Variants in SPAG9 observed in about 807,000 individuals in gnomAD.
SPAG9 encodes sperm associated antigen 9, also known as C-Jun-amino-terminal kinase-interacting protein 4.
Under a neutral mutation model 166.5 loss-of-function variants are expected in SPAG9, and 35 were observed. That is an observed-to-expected ratio of 0.21 (90% CI 0.16 to 0.28). SPAG9 has a LOEUF of 0.28. Ranked by LOEUF, SPAG9 falls within the 10% of genes least tolerant of loss-of-function variation. SPAG9 has a pLI of 1.00. For synonymous variants in SPAG9, 534 were observed against 565.5 expected, an observed-to-expected ratio of 0.94 and a Z score of 0.79; for missense variants, 1,235 against 1,603.3, an observed-to-expected ratio of 0.77 and a Z score of 3.92.
At position 51,013,919 on chromosome 17, in the gene SPAG9, T is replaced by C. The variant is rs202173626; in HGVS notation, c.1213+313A>G. ...ATACACATACACACACACACACACATACACACACACACATCACCATGTTCT... is the reference window on the plus strand; with the variant it reads ...ATACACATACACACACACACACACACACACACACACACATCACCATGTTCT... On this transcript the variant is annotated intron_variant, in intron 9 of 29. Transcript: ENST00000262013. Among the ~76,000 whole-genome samples, 331 of 135,740 alleles carry C rather than the reference T, an allele frequency of 2.4e-3. 1 individual carries two copies. The highest frequency in any genetic ancestry group is 0.01 in the African/African-American group (316 of 31,166). 89.1% of individuals were successfully genotyped at this position (135,740 alleles called of 152,430 possible).
At chr17:51,104,005 G>A (rs986626209) in intron 1 of SPAG9, among the ~76,000 whole-genome samples, 2 of 152,156 alleles carry the variant, frequency 1.3e-5, no homozygotes, top group Non-Finnish European at 2.9e-5. Flanking sequence ...AGAAAGTAAT[G>A]AGATTCCAGC....
chr17:50,997,933 CCTT>C (rs2044748315), intron 15 of SPAG9, among the ~76,000 whole-genome samples: 1 of 151,082 alleles, frequency 6.6e-6, no homozygotes, highest in Non-Finnish European at 1.5e-5. Context: ...AAAAAAAAAT[CCTT>C]CTCTTTTATA....
chr17:51,064,173 T>A (rs2047597752), intron 2 of SPAG9, among the ~76,000 whole-genome samples: 1 of 152,222 alleles, frequency 6.6e-6, no homozygotes. Context: ...ATCATTCTGC[T>A]TAGTTATATT....
At chr17:50,974,555 A>G (rs542476981) in intron 28 of SPAG9, among the ~76,000 whole-genome samples, 2 of 152,304 alleles carry the variant, frequency 1.3e-5, no homozygotes, top group South Asian at 4.1e-4. Context: ...AAAAATCAAC[A>G]AATTTATCTT....
At position 51,118,078 on chromosome 17, in the gene SPAG9, T is replaced by A. The variant is rs1470017596; in HGVS notation, c.303+2276A>T. The stretch of plus-strand genomic sequence containing the variant: ...AGAATTGCTTGAACCCGGGAGGCAG[T>A]GAGCCGAGATCGTGCCACTGCACTC... On this transcript the variant is annotated intron_variant, in intron 1 of 29. Coordinates refer to ENST00000262013, the MANE Select transcript of SPAG9 (RefSeq NM_001130528.3). 4.0e-5 allele frequency among the ~76,000 whole-genome samples: 6 copies of A among 149,444 alleles called. No individual in the cohort carries two copies. The East Asian group carries it at 1.2e-3, about 29-fold the overall frequency.
intron 1 of SPAG9, among the ~76,000 whole-genome samples, chr17:51,115,455 CA>C (rs1266020110): frequency 6.7e-6 from 1 of 148,830 alleles, no homozygotes; most frequent in African/African-American, 2.5e-5. Context: ...CACAAAAAAG[CA>C]GACACAAAAT....
In SPAG9 at chr17:51,044,187, C is replaced by T. The variant is rs114679869; in HGVS notation, c.591-2536G>A. 7.6e-3 allele frequency among the ~76,000 whole-genome samples: 1,158 copies of T among 152,176 alleles called. 20 individuals carry two copies. Among genetic ancestry groups the T allele is most frequent in the African/African-American group, 0.027 (1,112 of 41,514 alleles). ...ACAGTTGGGGTAAGGGAGAGAAGGA[C>T]GCATAATTAGGCAAGTTCATGAGAA... On this transcript the variant is annotated intron_variant, in intron 4 of 29. Coordinates refer to ENST00000262013, the MANE Select transcript of SPAG9 (RefSeq NM_001130528.3).
intron 1 of SPAG9, among the ~76,000 whole-genome samples, chr17:51,107,305 T>C (rs770209162): frequency 2.0e-5 from 3 of 152,022 alleles, no homozygotes; most frequent in South Asian, 2.1e-4. Context: ...TCCCAGCACC[T>C]TGGGAGGCCA....
chr17:50,979,868 G>A lies in SPAG9; in HGVS notation c.3287C>T (p.Ala1096Val), dbSNP rs771259090. The A allele has an allele frequency of 1.9e-6, 3 of 1,614,056 alleles. No homozygotes were observed. Among genetic ancestry groups the A allele is most frequent in the South Asian group, 2.2e-5 (2 of 91,076 alleles). The change falls in exon 26 of 30, where the codon GCG becomes GTG. Residue 1096 changes from alanine to valine, a missense_variant. By Grantham distance (64) the Ala-to-Val change is moderately conservative. This residue lies in a region of SPAG9 where 243 missense variants were observed against 358.6 expected (regional missense o/e 0.68). Coordinates refer to ENST00000262013, the MANE Select transcript of SPAG9 (RefSeq NM_001130528.3). The part of the protein sequence containing the change: ...PRKESQVRQL[A>V]WVGDGVWVSI... The stretch of plus-strand genomic sequence containing the variant: ...GACCCACACGCCATCCCCCACCCAC[G>A]CAAGCTGTCGCACTTGGCTCTCCTT...
In SPAG9 at chr17:50,968,116, T is replaced by C. The variant is rs148772921; in HGVS notation, c.3851-1729A>G. On this transcript the variant is annotated intron_variant, in intron 29 of 29. Coordinates refer to ENST00000262013, the MANE Select transcript of SPAG9 (RefSeq NM_001130528.3). ...CCTCTCATAAAAGGGAATTCAACAA[T>C]AGTCAATTATTCAAAACACTTTGAA... 1.3e-3 allele frequency among the ~76,000 whole-genome samples: 205 copies of C among 152,306 alleles called. 1 individual carries two copies. The highest frequency in any genetic ancestry group is 4.7e-3 in the African/African-American group (194 of 41,572).
Position 50,993,950 on chromosome 17 carries a change from G to C in SPAG9, c.2227-15C>G. On this transcript the variant is annotated splice_polypyrimidine_tract_variant and intron_variant, in intron 18 of 29. Transcript: ENST00000262013. Reference sequence around the variant, plus strand: ...TTCTGCTGTTCCTGTATAGGCAAAGGAGGAAAAATGTTTAAAACAATATGT... The same window carrying C: ...TTCTGCTGTTCCTGTATAGGCAAAGCAGGAAAAATGTTTAAAACAATATGT... 6.2e-7 allele frequency: 1 copy of C among 1,609,522 alleles called. No homozygotes were observed. Among genetic ancestry groups the C allele is most frequent in the Non-Finnish European group, 8.5e-7 (1 of 1,176,734 alleles).
chr17:51,088,450 C>T (rs1237414666), intron 1 of SPAG9, among the ~76,000 whole-genome samples: 1 of 152,106 alleles, frequency 6.6e-6, no homozygotes, highest in Non-Finnish European at 1.5e-5. Flanking sequence ...GTGTAACACG[C>T]TAAGTGCTAT....
intron 2 of SPAG9, among the ~76,000 whole-genome samples, chr17:51,071,363 A>T (rs1342049163): frequency 6.6e-6 from 1 of 152,188 alleles, no homozygotes; most frequent in Non-Finnish European, 1.5e-5. Flanking sequence ...AAAAGCACCA[A>T]GGCTTTCTCA....
intron 23 of SPAG9, 43 bp from the exon 24 acceptor site, chr17:50,985,033 TACAGAA>T: frequency 6.4e-7 from 1 of 1,565,372 alleles, no homozygotes; most frequent in Non-Finnish European, 8.8e-7. Context: ...CATTCAGGAA[TACAGAA>T]GGGACCACAT....
intron 14 of SPAG9, among the ~76,000 whole-genome samples, chr17:50,998,880 A>G (rs1169080561): frequency 1.3e-5 from 2 of 152,234 alleles, no homozygotes; most frequent in African/African-American, 2.4e-5. Context: ...GAAAGCAAGA[A>G]GCTCTTAAAT....
chr17:50,999,993 G>C (rs1177418425), intron 13 of SPAG9, among the ~76,000 whole-genome samples: 1 of 152,158 alleles, frequency 6.6e-6, no homozygotes, highest in Non-Finnish European at 1.5e-5. Flanking sequence ...CAACATGCCT[G>C]AATGATATTT....
intron 10 of SPAG9, 127 bp from the exon 11 acceptor site, chr17:51,006,364 C>A: frequency 1.1e-6 from 1 of 870,278 alleles, no homozygotes; most frequent in East Asian, 2.6e-5. Context: ...ACATTCTACC[C>A]AATGTTGTTT....
chr17:50,990,249 T>C (rs568007647), intron 20 of SPAG9: 179 of 563,504 alleles, frequency 3.2e-4, no homozygotes, highest in Admixed American at 6.7e-4. Context: ...AGGATGGTCT[T>C]GATCTCCTGA....
At chr17:51,008,394 A>G (rs987724125) in intron 9 of SPAG9, among the ~76,000 whole-genome samples, 1 of 151,948 alleles carries the variant, frequency 6.6e-6, no homozygotes, top group African/African-American at 2.4e-5. Context: ...AACAAAACAA[A>G]AAAAACCCAC....
Sources: gnomAD v4.1 joint callset for allele counts (sites outside exome capture counted in the v4.1 genomes callset) on GRCh38, gnomAD v4.1.1 for gene constraint, gnomAD v4.1.1 regional missense constraint, MANE v1.5 for transcripts, NCBI Gene and HGNC (gene_info 2026-07-23, HGNC 2026-07-21) for gene names.